Variants in MPRIP observed in about 807,000 individuals in gnomAD.
MPRIP encodes myosin phosphatase Rho interacting protein, also known as myosin phosphatase Rho-interacting protein.
MPRIP carries 59 observed loss-of-function variants against 234.9 expected under a neutral mutation model. The ratio of observed to expected loss-of-function variants is 0.25; its 90% CI spans 0.20 to 0.31. MPRIP has a LOEUF of 0.31. MPRIP is among the 10% of genes least tolerant of loss of function. The probability of loss-of-function intolerance (pLI) is 1.00; values close to 1 mark genes in which losing one functional copy is unlikely to be tolerated. For missense variants in MPRIP, 2,436 were observed against 3,071.0 expected (o/e 0.79, Z 4.89); for synonymous variants, 1,144 against 1,263.9 (o/e 0.91, Z 2.01).
intron 3 of MPRIP, among the ~76,000 whole-genome samples, chr17:17,126,466 A>T (rs944468357): frequency 6.6e-6 from 1 of 151,998 alleles, no homozygotes; most frequent in Non-Finnish European, 1.5e-5. Flanking sequence ...CTCCAGTGCA[A>T]GTGGGATGTC....
chr17:17,098,678 C>T (rs1282120205), intron 3 of MPRIP, among the ~76,000 whole-genome samples: 1 of 152,196 alleles, frequency 6.6e-6, no homozygotes, highest in Non-Finnish European at 1.5e-5. Context: ...CCAGGCCCTG[C>T]TGTGGGTCCC....
chr17:17,161,478 A>G, intron 15 of MPRIP, 122 bp downstream of exon 15: 1 of 581,640 alleles, frequency 1.7e-6, no homozygotes, highest in African/African-American at 1.9e-5. Flanking sequence ...CCAGGAGCTC[A>G]TGCCCCTGGG....
intron 3 of MPRIP, among the ~76,000 whole-genome samples, chr17:17,099,841 C>G (rs112641187): frequency 1.2e-4 from 18 of 152,216 alleles, no homozygotes; most frequent in African/African-American, 4.3e-4. Flanking sequence ...GTCTGCTGTC[C>G]CAAGTGTTTT....
At chr17:17,053,718 A>T (rs1311884375) in intron 1 of MPRIP, among the ~76,000 whole-genome samples, 1 of 151,862 alleles carries the variant, frequency 6.6e-6, no homozygotes, top group Admixed American at 6.6e-5. Context: ...TGGCCCTCAA[A>T]CCTGTTTCTG....
intron 3 of MPRIP, among the ~76,000 whole-genome samples, chr17:17,084,917 T>C (rs1234176951): frequency 6.6e-6 from 1 of 152,212 alleles, no homozygotes; most frequent in East Asian, 1.9e-4. Context: ...CCTGTAACTG[T>C]CTGAGAGGCA....
At chr17:17,048,572 A>G (rs1412851877) in intron 1 of MPRIP, among the ~76,000 whole-genome samples, 3 of 152,190 alleles carry the variant, frequency 2.0e-5, no homozygotes, top group Non-Finnish European at 2.9e-5. Flanking sequence ...TCAGACGGCC[A>G]AGCACCATGA....
intron 1 of MPRIP, among the ~76,000 whole-genome samples, chr17:17,048,140 C>G (rs1197736174): frequency 6.6e-6 from 1 of 152,086 alleles, no homozygotes; most frequent in Non-Finnish European, 1.5e-5. Flanking sequence ...TTTGTCTAGC[C>G]CTGTTTTTTT....
intron 3 of MPRIP, among the ~76,000 whole-genome samples, chr17:17,112,941 G>T (rs928171369): frequency 2.6e-5 from 4 of 152,230 alleles, no homozygotes; most frequent in African/African-American, 9.6e-5. Flanking sequence ...AGGCCAGTGA[G>T]GCATCCTCAG....
intron 1 of MPRIP, among the ~76,000 whole-genome samples, chr17:17,061,800 T>C (rs2088875591): frequency 6.6e-6 from 1 of 152,114 alleles, no homozygotes; most frequent in Non-Finnish European, 1.5e-5. Context: ...CCAGCAGCCC[T>C]TGGACTGACC....
At chr17:17,086,003 G>A (rs2089582627) in intron 3 of MPRIP, among the ~76,000 whole-genome samples, 1 of 152,214 alleles carries the variant, frequency 6.6e-6, no homozygotes, top group South Asian at 2.1e-4. Flanking sequence ...TCACAGACCT[G>A]TTCAGGAAAG....
intron 3 of MPRIP, among the ~76,000 whole-genome samples, chr17:17,109,920 C>G (rs905020255): frequency 1.3e-5 from 2 of 152,132 alleles, no homozygotes; most frequent in African/African-American, 4.8e-5. Flanking sequence ...CTTTGAGCAA[C>G]AAAATAAATA....
intron 4 of MPRIP, among the ~76,000 whole-genome samples, chr17:17,127,495 G>A (rs2090515984): frequency 6.6e-6 from 1 of 152,260 alleles, no homozygotes; most frequent in Non-Finnish European, 1.5e-5. Flanking sequence ...GCCCAGGGCA[G>A]CATCTGCCTT....
At chr17:17,072,195 A>G (rs542771926) in intron 1 of MPRIP, among the ~76,000 whole-genome samples, 3 of 152,328 alleles carry the variant, frequency 2.0e-5, no homozygotes, top group East Asian at 3.9e-4. Flanking sequence ...GCAGTTTTAG[A>G]TAGTCTGAGA....
At position 17,164,324 on chromosome 17, in the gene MPRIP, T is replaced by G; in HGVS notation, c.2733T>G (p.Ala911=). ...AGGCACGGCTCAGCAATGCGGCCGC[T>G]GAGCTAGCCATCAAGGAGCAGGCGC... ...SLQARLSNAA[A]ELAIKEQALA... Residue 911 remains alanine, a synonymous_variant, in exon 16 of 24, where the codon GCT becomes GCG. Transcript: ENST00000651222. The G allele has an allele frequency of 1.5e-6, 2 of 1,303,472 alleles. No homozygotes were observed. Among genetic ancestry groups the G allele is most frequent in the Non-Finnish European group, 2.0e-6 (2 of 988,944 alleles). 80.7% of individuals were successfully genotyped at this position (1,303,472 alleles called of 1,614,324 possible). A position where few individuals can be genotyped will look rare whatever the true frequency, so the allele number is the denominator to read the frequency against.
At chr17:17,057,930 A>T in intron 1 of MPRIP, 1 of 502,394 alleles carries the variant, frequency 2.0e-6, no homozygotes, top group South Asian at 3.1e-5. Context: ...AATCTAAATA[A>T]TAAAAATGAA....
At chr17:17,133,924 T>C (rs936350543) in intron 5 of MPRIP, among the ~76,000 whole-genome samples, 4 of 152,158 alleles carry the variant, frequency 2.6e-5, no homozygotes, top group Non-Finnish European at 5.9e-5. Context: ...ATGGAGATGG[T>C]TGGGAAGCCC....
At position 17,143,612 on chromosome 17, in the gene MPRIP, G is replaced by A. The variant is rs1202701892; in HGVS notation, c.1446G>A (p.Leu482=). The change falls in exon 9 of 24, where the codon CTG becomes CTA. Residue 482 remains leucine, a synonymous_variant. Transcript: ENST00000651222. ...TCCCAGACGCCTCGGCTTCCCCCCT[G>A]TCTCCACACCGAAGAGCCAAGTCAC... is the stretch of plus-strand genomic sequence containing the variant. ...APLPDASASP[L]SPHRRAKSLD... is the part of the protein sequence containing the mutation. 6.2e-7 allele frequency: 1 copy of A among 1,605,998 alleles called. No homozygotes were observed. Among genetic ancestry groups the A allele is most frequent in the Non-Finnish European group, 8.5e-7 (1 of 1,176,686 alleles).
intron 1 of MPRIP, among the ~76,000 whole-genome samples, chr17:17,048,471 G>C (rs1252625197): frequency 6.6e-6 from 1 of 152,054 alleles, no homozygotes; most frequent in Non-Finnish European, 1.5e-5. Context: ...GGGAGATTTC[G>C]CATCCCCCCC....
At chr17:17,108,242 C>T (rs2090101534) in intron 3 of MPRIP, among the ~76,000 whole-genome samples, 1 of 152,134 alleles carries the variant, frequency 6.6e-6, no homozygotes, top group East Asian at 1.9e-4. Flanking sequence ...CTCTTTACAG[C>T]TGCATTTTGT....
Sources: gnomAD v4.1 joint callset for allele counts (sites outside exome capture counted in the v4.1 genomes callset) on GRCh38, gnomAD v4.1.1 for gene constraint, MANE v1.5 for transcripts, NCBI Gene and HGNC (gene_info 2026-07-23, HGNC 2026-07-21) for gene names.